PLXDC2: variants seen among roughly 807,000 people sequenced by gnomAD.
PLXDC2 encodes the protein plexin domain-containing protein 2.
Under a neutral mutation model 68.9 loss-of-function variants are expected in PLXDC2, and 40 were observed. The observed-to-expected ratio is 0.58, with a 90% confidence interval of 0.45 to 0.76. The LOEUF (loss-of-function observed/expected upper bound fraction) is 0.76, where lower values mean the gene tolerates loss of function less well. PLXDC2 is among the 30% of genes least tolerant of loss of function. The pLI is 0.00. For missense variants in PLXDC2, 644 were observed against 661.9 expected, an observed-to-expected ratio of 0.97 and a Z score of 0.30; for synonymous variants, 243 against 234.2, an observed-to-expected ratio of 1.04 and a Z score of -0.34.
intron 13 of PLXDC2, among the ~76,000 whole-genome samples, chr10:20,270,891 T>G (rs1835929695): frequency 6.6e-6 from 1 of 150,576 alleles, no homozygotes; most frequent in East Asian, 2.0e-4. Flanking sequence ...AGTGACAGGA[T>G]GGATTTTAGG....
rs1358827292 is a variant in PLXDC2, at chr10:19,992,262, G to T, written c.113-9513G>T. ...GTGGGAAGAACCATATGGCTATAAA[G>T]CTGCACCCTATCATTTCACCAATGG... On this transcript the variant is annotated intron_variant, in intron 1 of 13. Coordinates refer to ENST00000377252, the MANE Select transcript of PLXDC2 (RefSeq NM_032812.9). 2.6e-5 allele frequency among the ~76,000 whole-genome samples: 4 copies of T among 152,164 alleles called. No homozygotes were observed. In the South Asian group the frequency reaches 8.3e-4, roughly 31 times the overall value.
chr10:20,106,164 C>T (rs1162875903), intron 4 of PLXDC2, among the ~76,000 whole-genome samples: 4 of 152,150 alleles, frequency 2.6e-5, no homozygotes, highest in African/African-American at 7.2e-5. Context: ...TTGTGTTTTA[C>T]GTTTTGTAAA....
At chr10:19,989,076 A>G (rs1056363038) in intron 1 of PLXDC2, among the ~76,000 whole-genome samples, 1 of 152,132 alleles carries the variant, frequency 6.6e-6, no homozygotes, top group Non-Finnish European at 1.5e-5. Flanking sequence ...CTGGGATTAC[A>G]GGCATGAGCC....
chr10:20,009,698 C>G (rs568781391), intron 2 of PLXDC2, among the ~76,000 whole-genome samples: 16 of 149,600 alleles, frequency 1.1e-4, no homozygotes, highest in African/African-American at 4.0e-4. Context: ...AACCAAGTCA[C>G]GAAGAAAGTG....
chr10:20,205,698 G>A (rs1834981818), intron 9 of PLXDC2, among the ~76,000 whole-genome samples: 1 of 151,928 alleles, frequency 6.6e-6, no homozygotes, highest in South Asian at 2.1e-4. Context: ...GGTATTATTA[G>A]GTACAAAGGT....
At chr10:20,047,114 T>C in intron 3 of PLXDC2, 99 bp downstream of exon 3, 1 of 1,240,960 alleles carries the variant, frequency 8.1e-7, no homozygotes, top group Non-Finnish European at 1.1e-6. Context: ...GATAATTAAA[T>C]ATTAGAATGG....
chr10:20,046,316 TAC>T (rs1305763713), intron 2 of PLXDC2, among the ~76,000 whole-genome samples: 1 of 151,886 alleles, frequency 6.6e-6, no homozygotes, highest in Non-Finnish European at 1.5e-5. Flanking sequence ...ACTAATTTTA[TAC>T]ACACACAAAC....
At chr10:20,187,418 T>C (rs774197112) in intron 9 of PLXDC2, among the ~76,000 whole-genome samples, 1 of 151,906 alleles carries the variant, frequency 6.6e-6, no homozygotes. Flanking sequence ...AGGTATACAA[T>C]GTATAATGAT....
chr10:19,943,705 C>G (rs1355161479), intron 1 of PLXDC2, among the ~76,000 whole-genome samples: 1 of 152,140 alleles, frequency 6.6e-6, no homozygotes, highest in African/African-American at 2.4e-5. Flanking sequence ...TAGGAACAGT[C>G]TCTAAAGAAG....
intron 2 of PLXDC2, among the ~76,000 whole-genome samples, chr10:20,019,784 G>C (rs10827929): frequency 0.26 from 38,843 of 152,000 alleles, 5,327 homozygotes; most frequent in East Asian, 0.39. Flanking sequence ...ATGAATTTAT[G>C]TTGGTTAAGT....
chr10:20,178,485 C>A (rs1450482266), intron 9 of PLXDC2, among the ~76,000 whole-genome samples: 1 of 152,014 alleles, frequency 6.6e-6, no homozygotes, highest in East Asian at 1.9e-4. Context: ...GAGAATAAGT[C>A]CCTTTCTCAC....
At chr10:19,993,488 C>T (rs1589574921) in intron 1 of PLXDC2, among the ~76,000 whole-genome samples, 1 of 152,070 alleles carries the variant, frequency 6.6e-6, no homozygotes, top group African/African-American at 2.4e-5. Flanking sequence ...GGTGCAATCT[C>T]GGTTCACTGC....
At chr10:20,217,936 CA>C (rs1483400805) in intron 11 of PLXDC2, among the ~76,000 whole-genome samples, 2 of 151,862 alleles carry the variant, frequency 1.3e-5, no homozygotes, top group Non-Finnish European at 2.9e-5. Context: ...GTTAGAAAGG[CA>C]AAATGCATAT....
At chr10:20,009,401 G>A (rs1835074079) in intron 2 of PLXDC2, among the ~76,000 whole-genome samples, 1 of 151,984 alleles carries the variant, frequency 6.6e-6, no homozygotes. Flanking sequence ...TTCCTTTTGG[G>A]GGGATCTTAA....
intron 4 of PLXDC2, among the ~76,000 whole-genome samples, chr10:20,110,046 A>G (rs994507537): frequency 6.6e-6 from 1 of 152,206 alleles, no homozygotes; most frequent in African/African-American, 2.4e-5. Context: ...GGCATCCAAA[A>G]TATTCCACAT....
At chr10:20,070,716 G>C (rs1836301673) in intron 4 of PLXDC2, 1 of 152,282 alleles carries the variant, frequency 6.6e-6, no homozygotes, top group African/African-American at 2.4e-5. Flanking sequence ...TAGGTGAACA[G>C]TGTTCTATTG....
At chr10:20,118,036 CTATA>C (rs964484920) in intron 4 of PLXDC2, among the ~76,000 whole-genome samples, 4 of 151,972 alleles carry the variant, frequency 2.6e-5, no homozygotes, top group Non-Finnish European at 5.9e-5. Flanking sequence ...GTCTCCGTCT[CTATA>C]TATGTAGCTA....
chr10:20,054,907 T>A (rs1019682057), intron 3 of PLXDC2, among the ~76,000 whole-genome samples: 5 of 152,070 alleles, frequency 3.3e-5, no homozygotes, highest in African/African-American at 1.2e-4. Flanking sequence ...GCCTGATAGG[T>A]CTATATATTT....
intron 6 of PLXDC2, among the ~76,000 whole-genome samples, chr10:20,155,585 A>G (rs147768363): frequency 6.6e-6 from 1 of 152,348 alleles, no homozygotes; most frequent in Non-Finnish European, 1.5e-5. Context: ...GATATTTTAT[A>G]TCATAGGACT....
Sources: gnomAD v4.1 joint callset for allele counts (sites outside exome capture counted in the v4.1 genomes callset) on GRCh38, gnomAD v4.1.1 for gene constraint, MANE v1.5 for transcripts, NCBI Gene and HGNC (gene_info 2026-07-23, HGNC 2026-07-21) for gene names.